Variants in PHF14 observed in about 807,000 individuals in gnomAD.
The protein encoded by PHF14 is PHD finger protein 14.
A neutral mutation model predicts 117.9 loss-of-function variants in PHF14; 55 were observed. That is an observed-to-expected ratio of 0.47 (90% CI 0.38 to 0.58). The LOEUF (loss-of-function observed/expected upper bound fraction) is 0.58, where lower values mean the gene tolerates loss of function less well. Among genes scored for constraint, PHF14 ranks in the 20% least tolerant of loss-of-function variants. The pLI is 0.00. For missense variants in PHF14, 978 were observed against 1,122.2 expected (o/e 0.87, Z 1.84); for synonymous variants, 409 against 368.6 (o/e 1.11, Z -1.26).
At chr7:11,165,328 A>G (rs1789170577) in intron 17 of PHF14, among the ~76,000 whole-genome samples, 1 of 152,118 alleles carries the variant, frequency 6.6e-6, no homozygotes, top group African/African-American at 2.4e-5. Context: ...GATACCACAA[A>G]CCAGAGGTGA....
intron 17 of PHF14, among the ~76,000 whole-genome samples, chr7:11,136,430 CAGAGT>C (rs1230723393): frequency 3.9e-5 from 6 of 152,004 alleles, no homozygotes; most frequent in African/African-American, 9.6e-5. Flanking sequence ...ATATAATTAC[CAGAGT>C]AAAGTATCTG....
rs182417779 is a variant in PHF14, at chr7:11,103,886, A to G, written c.2655-7464A>G. ...AAGATCTCATAACATTGGAGGAAAAATATTCATAATCTTTAGCAAAACTAG... is the reference window on the plus strand; with the variant it reads ...AAGATCTCATAACATTGGAGGAAAAGTATTCATAATCTTTAGCAAAACTAG... On this transcript the variant is annotated intron_variant, in intron 16 of 17. Coordinates refer to ENST00000634607, the MANE Select transcript of PHF14 (RefSeq NM_001007157.2). 1,064 of 981,382 alleles carry G rather than the reference A, an allele frequency of 1.1e-3. 2 individuals carry two copies. Among genetic ancestry groups the G allele is most frequent in the Non-Finnish European group, 1.2e-3 (1,010 of 826,336 alleles). 60.8% of individuals were successfully genotyped at this position (981,382 alleles called of 1,614,324 possible). A position where few individuals can be genotyped will look rare whatever the true frequency, so the allele number is the denominator to read the frequency against.
At chr7:11,082,871 A>G (rs1455691927) in intron 16 of PHF14, among the ~76,000 whole-genome samples, 1 of 152,030 alleles carries the variant, frequency 6.6e-6, no homozygotes, top group Non-Finnish European at 1.5e-5. Flanking sequence ...TCTTTAATCC[A>G]CAGTACCCCT....
chr7:11,142,601 A>G (rs1788432002), intron 17 of PHF14, among the ~76,000 whole-genome samples: 1 of 152,094 alleles, frequency 6.6e-6, no homozygotes, highest in African/African-American at 2.4e-5. Flanking sequence ...AAAAAGCAGT[A>G]TTTTATTAAA....
At position 10,982,766 on chromosome 7, in the gene PHF14, G is replaced by GACA; in HGVS notation, c.510_512dup (p.Thr171dup). 6.2e-7 allele frequency: 1 copy of GACA among 1,613,792 alleles called. No individual in the cohort carries two copies. Among genetic ancestry groups the GACA allele is most frequent in the Non-Finnish European group, 8.5e-7 (1 of 1,179,828 alleles). ...ACACATCCCCTTCTGTTCCCACTAC[G>GACA]ACAACCGCTACAGAGGAACAAGTCA... On this transcript the variant is annotated inframe_insertion, in exon 3 of 18. Coordinates refer to ENST00000634607, the MANE Select transcript of PHF14 (RefSeq NM_001007157.2).
At chr7:11,055,266 A>G (rs1784979122) in intron 14 of PHF14, among the ~76,000 whole-genome samples, 1 of 152,178 alleles carries the variant, frequency 6.6e-6, no homozygotes, top group South Asian at 2.1e-4. Context: ...TGGTGTTTAT[A>G]CTTGTGGACA....
Position 11,169,444 on chromosome 7 carries a change from A to T in PHF14, c.2801A>T (p.Asn934Ile). Residue 934 changes from asparagine (N) to isoleucine (I), a missense_variant, in exon 18 of 18, where the codon AAT becomes ATT. This residue lies in a region of PHF14 where 180 missense variants were observed against 195.4 expected (regional missense o/e 0.92). Transcript: ENST00000634607. The part of the protein sequence containing the change: ...KEDENEAERK[N>I]ISQELNMEQK... Reference sequence around the variant, plus strand: ...GATGAAAATGAAGCTGAAAGAAAAAATATATCTCAGGAGCTCAACATGGAA... The same window carrying T: ...GATGAAAATGAAGCTGAAAGAAAAATTATATCTCAGGAGCTCAACATGGAA... 6.6e-7 allele frequency: 1 copy of T among 1,508,246 alleles called. No individual in the cohort carries two copies. The highest frequency in any genetic ancestry group is 9.0e-7 in the Non-Finnish European group (1 of 1,111,124). 93.4% of individuals were successfully genotyped at this position (1,508,246 alleles called of 1,614,324 possible).
chr7:11,076,403 T>C (rs117951766), intron 16 of PHF14, among the ~76,000 whole-genome samples: 3,022 of 152,220 alleles, frequency 0.02, 42 homozygotes, highest in Middle Eastern at 0.045. Context: ...CTTATAAGTA[T>C]GCTGTTTAGT....
rs1466199042 is a variant in PHF14, at chr7:11,042,761, A to T, written c.2259A>T (p.Gly753=). The change falls in exon 13 of 18, where the codon GGA becomes GGT. Residue 753 remains glycine (G), a synonymous_variant. Transcript: ENST00000634607. ...CCTGTAAACTACATTACCATCTTGG[A>T]TGTCTGGATCCTCCTCTTACAAGGA... ...CDTCKLHYHL[G]CLDPPLTRMP... 1.9e-6 allele frequency: 3 copies of T among 1,590,612 alleles called. No individual in the cohort carries two copies. The highest frequency in any genetic ancestry group is 2.6e-6 in the Non-Finnish European group (3 of 1,165,308).
rs1158326350 is a variant in PHF14, at chr7:11,042,563, A to G, written c.2181-120A>G. Reference sequence around the variant, plus strand: ...TTAATGAAAGAAATTGTCTATCTCAACAGAAGAAATAGTAAGTTAAATCAA... The same window carrying G: ...TTAATGAAAGAAATTGTCTATCTCAGCAGAAGAAATAGTAAGTTAAATCAA... On this transcript the variant is annotated intron_variant, in intron 12 of 17. Transcript: ENST00000634607. 1.1e-5 allele frequency: 7 copies of G among 623,650 alleles called. No individual in the cohort carries two copies. The African/African-American group carries it at 1.1e-4, about 10-fold the overall frequency. The allele number at this position is 623,650 out of a possible 1,614,324, so 38.6% of individuals were successfully genotyped here. A position where few individuals can be genotyped will look rare whatever the true frequency, so the allele number is the denominator to read the frequency against.
chr7:11,078,607 A>G (rs1299043091), intron 16 of PHF14, among the ~76,000 whole-genome samples: 1 of 152,174 alleles, frequency 6.6e-6, no homozygotes. Context: ...AATGCAAAGT[A>G]TTATTCAGGT....
At chr7:10,988,107 A>G (rs1006572462) in intron 3 of PHF14, among the ~76,000 whole-genome samples, 7 of 152,022 alleles carry the variant, frequency 4.6e-5, no homozygotes, top group African/African-American at 1.7e-4. Flanking sequence ...TCCAGTTGAA[A>G]CATTGTCTGC....
At chr7:11,153,094 G>A (rs1170497332) in intron 17 of PHF14, among the ~76,000 whole-genome samples, 1 of 152,126 alleles carries the variant, frequency 6.6e-6, no homozygotes, top group African/African-American at 2.4e-5. Context: ...TGTGATGTGT[G>A]TCTTACAAAG....
At position 11,047,669 on chromosome 7, in the gene PHF14, C is replaced by T. The variant is rs149716753; in HGVS notation, c.2313-3943C>T. Among the ~76,000 whole-genome samples, 756 of 150,762 alleles carry T rather than the reference C, an allele frequency of 5.0e-3. 2 individuals are homozygous for T. Among genetic ancestry groups the T allele is most frequent in the African/African-American group, 0.015 (631 of 41,024 alleles). ...AGGAATGGTGATGGGGATTCGTAAT[C>T]CCTGCTACTCAGGAGGCTGAGGTAG... On this transcript the variant is annotated intron_variant, in intron 13 of 17. Transcript: ENST00000634607.
chr7:11,102,367 G>C lies in PHF14; in HGVS notation c.2655-8983G>C. ...TAGGTTTAGAGTATCTATCTCTTTG[G>C]ACCAGATCATATGTTATTTGAATCT... On this transcript the variant is annotated intron_variant, in intron 16 of 17. Coordinates refer to ENST00000634607, the MANE Select transcript of PHF14 (RefSeq NM_001007157.2). 7 of 1,046,934 alleles carry C rather than the reference G, an allele frequency of 6.7e-6. No homozygotes were observed. The South Asian group carries it at 1.0e-4, about 15-fold the overall frequency. 64.9% of individuals were successfully genotyped at this position (1,046,934 alleles called of 1,614,324 possible). A position where few individuals can be genotyped will look rare whatever the true frequency, so the allele number is the denominator to read the frequency against.
chr7:10,986,008 T>G (rs1640713), intron 3 of PHF14, among the ~76,000 whole-genome samples: 104,837 of 151,220 alleles, frequency 0.69, 36,997 homozygotes, highest in African/African-American at 0.82. Context: ...TCGCTTTGTT[T>G]CCTGGACTGG....
At chr7:11,049,761 T>C (rs1222569518) in intron 13 of PHF14, among the ~76,000 whole-genome samples, 1 of 152,178 alleles carries the variant, frequency 6.6e-6, no homozygotes, top group African/African-American at 2.4e-5. Flanking sequence ...TTCTGTAAGG[T>C]GTGTATTTTC....
intron 4 of PHF14, among the ~76,000 whole-genome samples, chr7:11,005,559 A>G (rs564560314): frequency 1.3e-5 from 2 of 152,220 alleles, no homozygotes; most frequent in Non-Finnish European, 2.9e-5. Context: ...AATCCCTAAG[A>G]TATTTTTCTA....
At chr7:11,004,394 T>A (rs1583352788) in intron 4 of PHF14, among the ~76,000 whole-genome samples, 1 of 142,620 alleles carries the variant, frequency 7.0e-6, no homozygotes. Flanking sequence ...TATACACAAA[T>A]ATATATTTTT....
Sources: gnomAD v4.1 joint callset for allele counts (sites outside exome capture counted in the v4.1 genomes callset) on GRCh38, gnomAD v4.1.1 for gene constraint, gnomAD v4.1.1 regional missense constraint, MANE v1.5 for transcripts, NCBI Gene and HGNC (gene_info 2026-07-23, HGNC 2026-07-21) for gene names.